The following SEZ6L variants were observed in gnomAD, a reference collection of about 807,000 sequenced individuals.
The protein encoded by SEZ6L is seizure 6-like protein.
A neutral mutation model predicts 106.2 loss-of-function variants in SEZ6L; 37 were observed. The ratio of observed to expected loss-of-function variants is 0.35; its 90% CI spans 0.27 to 0.46. SEZ6L has a LOEUF of 0.46. Ranked by LOEUF, SEZ6L falls within the 20% of genes least tolerant of loss-of-function variation. The probability of loss-of-function intolerance (pLI) is 1.00; values close to 1 mark genes in which losing one functional copy is unlikely to be tolerated. For synonymous variants in SEZ6L, 541 were observed against 570.4 expected (o/e 0.95, Z 0.73); for missense variants, 1,172 against 1,332.8 (o/e 0.88, Z 1.88).
chr22:26,173,338 G>C (rs1938752925), intron 1 of SEZ6L, among the ~76,000 whole-genome samples: 1 of 152,218 alleles, frequency 6.6e-6, no homozygotes, highest in Admixed American at 6.5e-5. Flanking sequence ...TCAGGCTAAA[G>C]TAGAAAGGGG....
chr22:26,306,017 C>T lies in SEZ6L; in HGVS notation c.1387C>T (p.Arg463Cys), dbSNP rs2145913262. 6.2e-6 allele frequency: 10 copies of T among 1,614,090 alleles called. No homozygotes were observed. Among genetic ancestry groups the T allele is most frequent in the Non-Finnish European group, 5.9e-6 (7 of 1,179,988 alleles). Reference sequence around the variant, plus strand: ...GGCAGTGCACAATGCCACCATCGGCCGCGTCCTCTCCCCAAGTTACCCTGA... The same window carrying T: ...GGCAGTGCACAATGCCACCATCGGCTGCGTCCTCTCCCCAAGTTACCCTGA... ...GGAVHNATIG[R>C]VLSPSYPENT... The change falls in exon 6 of 17, where the codon CGC (arginine) becomes TGC (cysteine). Residue 463 changes from arginine (R) to cysteine (C), a missense_variant. Transcript: ENST00000248933.
chr22:26,374,164 T>C (rs1192243900), intron 14 of SEZ6L, among the ~76,000 whole-genome samples: 1 of 152,170 alleles, frequency 6.6e-6, no homozygotes, highest in East Asian at 1.9e-4. Context: ...TGATGTAAAA[T>C]ATATACTGTA....
chr22:26,351,536 T>TTGGTTG (rs1556375090), intron 12 of SEZ6L: 2,545 of 162,612 alleles, frequency 0.016, 14 homozygotes, highest in Admixed American at 0.034. Flanking sequence ...TTTGTTTGTT[T>TTGGTTG]GTTTGTTTGT....
chr22:26,298,112 C>T (rs563029075), intron 4 of SEZ6L, among the ~76,000 whole-genome samples: 4 of 152,218 alleles, frequency 2.6e-5, no homozygotes, highest in Non-Finnish European at 5.9e-5. Flanking sequence ...AGGTGGATGA[C>T]TGCAAAGGGG....
intron 4 of SEZ6L, 65 bp from the exon 5 acceptor site, chr22:26,298,919 G>T: frequency 6.9e-7 from 1 of 1,453,100 alleles, no homozygotes; most frequent in Non-Finnish European, 9.2e-7. Flanking sequence ...CTCCCAGGAT[G>T]TGGGTCAGGT....
At chr22:26,187,951 G>A (rs1032250798) in intron 1 of SEZ6L, among the ~76,000 whole-genome samples, 9 of 152,294 alleles carry the variant, frequency 5.9e-5, no homozygotes, top group Middle Eastern at 3.4e-3. Flanking sequence ...ATTTAAAGCC[G>A]GGGAAGTGGG....
intron 1 of SEZ6L, among the ~76,000 whole-genome samples, chr22:26,265,019 G>A (rs958537246): frequency 3.3e-5 from 5 of 152,136 alleles, no homozygotes; most frequent in African/African-American, 1.2e-4. Flanking sequence ...GTGTTTTAGG[G>A]GTGGAGGAAG....
At chr22:26,375,885 C>T (rs1261833831) in intron 15 of SEZ6L, among the ~76,000 whole-genome samples, 196 bp downstream of exon 15, 1 of 152,196 alleles carries the variant, frequency 6.6e-6, no homozygotes, top group East Asian at 1.9e-4. Flanking sequence ...ATGAAGCCTC[C>T]AAGCAAGTAA....
At chr22:26,199,456 G>A (rs1037841861) in intron 1 of SEZ6L, among the ~76,000 whole-genome samples, 4 of 152,108 alleles carry the variant, frequency 2.6e-5, no homozygotes, top group African/African-American at 9.7e-5. Flanking sequence ...GATGATGTTG[G>A]GAGCCACTTT....
intron 1 of SEZ6L, among the ~76,000 whole-genome samples, chr22:26,227,317 G>A (rs1384366103): frequency 6.6e-6 from 1 of 152,146 alleles, no homozygotes; most frequent in Non-Finnish European, 1.5e-5. Context: ...GTTTTATTCT[G>A]AGGGTCTAAT....
At chr22:26,332,641 T>C (rs924218733) in intron 9 of SEZ6L, among the ~76,000 whole-genome samples, 2 of 152,024 alleles carry the variant, frequency 1.3e-5, no homozygotes, top group Non-Finnish European at 2.9e-5. Flanking sequence ...GAGATGGGGG[T>C]TTCACTATAT....
At chr22:26,191,693 T>G (rs1458182331) in intron 1 of SEZ6L, among the ~76,000 whole-genome samples, 2 of 152,202 alleles carry the variant, frequency 1.3e-5, no homozygotes. Context: ...CCATGGCACA[T>G]GTTTACCTAT....
At chr22:26,202,610 C>CT (rs1941035159) in intron 1 of SEZ6L, among the ~76,000 whole-genome samples, 1 of 152,132 alleles carries the variant, frequency 6.6e-6, no homozygotes, top group Admixed American at 6.5e-5. Context: ...CTCTGATATT[C>CT]TTTTTTCAGT....
At chr22:26,341,342 CAA>C (rs1485023227) in intron 10 of SEZ6L, among the ~76,000 whole-genome samples, 1 of 152,086 alleles carries the variant, frequency 6.6e-6, no homozygotes, top group Non-Finnish European at 1.5e-5. Flanking sequence ...TGCTTTCATC[CAA>C]TCACACTCTT....
chr22:26,235,137 A>G (rs982557534), intron 1 of SEZ6L, among the ~76,000 whole-genome samples: 1 of 152,122 alleles, frequency 6.6e-6, no homozygotes, highest in African/African-American at 2.4e-5. Flanking sequence ...AAGTCTCTCA[A>G]ATTTGGCACT....
intron 1 of SEZ6L, among the ~76,000 whole-genome samples, chr22:26,266,585 ATAAATAAATAAAT>A (rs1354726150): frequency 1.9e-5 from 1 of 51,934 alleles, no homozygotes; most frequent in African/African-American, 1.3e-4. Flanking sequence ...AAATAAATAA[ATAAATAAATAAAT>A]AAATAAATAA....
intron 9 of SEZ6L, among the ~76,000 whole-genome samples, chr22:26,316,944 G>GAAAGAAAAGAAA: frequency 1.0e-5 from 1 of 95,568 alleles, no homozygotes; most frequent in Non-Finnish European, 2.3e-5. Flanking sequence ...AGAAAAGAAA[G>GAAAGAAAAGAAA]AAAGGAAGAA....
chr22:26,370,662 T>A (rs892845665), intron 13 of SEZ6L, among the ~76,000 whole-genome samples: 1 of 150,876 alleles, frequency 6.6e-6, no homozygotes, highest in African/African-American at 2.4e-5. Flanking sequence ...TAGACATATT[T>A]GGAAAGAGAG....
chr22:26,181,745 G>A (rs905405297), intron 1 of SEZ6L, among the ~76,000 whole-genome samples: 3 of 152,094 alleles, frequency 2.0e-5, no homozygotes, highest in East Asian at 3.9e-4. Context: ...AATAGTGGCT[G>A]GTACGTAGCA....
Sources: allele counts gnomAD v4.1 joint callset (sites outside exome capture counted in the v4.1 genomes callset), GRCh38; gene constraint gnomAD v4.1.1; transcripts MANE v1.5; gene names NCBI Gene and HGNC (gene_info 2026-07-23, HGNC 2026-07-21).